MAN2A1: variants seen among roughly 807,000 people sequenced by gnomAD.
MAN2A1 encodes mannosidase alpha class 2A member 1, also known as alpha-mannosidase 2.
A neutral mutation model predicts 142.6 loss-of-function variants in MAN2A1; 76 were observed. The observed-to-expected ratio is 0.53, with a 90% CI of 0.44 to 0.65. MAN2A1 has a LOEUF of 0.65. Ranked by LOEUF, MAN2A1 falls within the 30% of genes least tolerant of loss-of-function variation. MAN2A1 has a pLI of 0.00. For synonymous variants in MAN2A1, 559 were observed against 473.2 expected (o/e 1.18, Z -2.35); for missense variants, 1,311 against 1,365.1 (o/e 0.96, Z 0.62).
intron 16 of MAN2A1, among the ~76,000 whole-genome samples, chr5:109,841,333 A>G (rs955222377): frequency 7.2e-5 from 11 of 152,114 alleles, no homozygotes; most frequent in African/African-American, 2.7e-4. Flanking sequence ...AGTCCATTCT[A>G]TCATTCTTAT....
intron 8 of MAN2A1, among the ~76,000 whole-genome samples, chr5:109,775,833 C>A (rs141992699): frequency 0.013 from 1,962 of 152,170 alleles, 21 homozygotes; most frequent in Non-Finnish European, 0.021. Flanking sequence ...AAAAACAATT[C>A]TTTTAACACA....
At chr5:109,783,283 A>G (rs1753509273) in intron 9 of MAN2A1, among the ~76,000 whole-genome samples, 1 of 152,196 alleles carries the variant, frequency 6.6e-6, no homozygotes, top group African/African-American at 2.4e-5. Context: ...TTATTTATAC[A>G]TAAGTTTGTC....
At chr5:109,723,966 C>T (rs1268871187) in intron 3 of MAN2A1, among the ~76,000 whole-genome samples, 3 of 151,976 alleles carry the variant, frequency 2.0e-5, no homozygotes, top group Non-Finnish European at 4.4e-5. Flanking sequence ...TTGCTTTGCC[C>T]TTATTAGATG....
At chr5:109,818,284 A>C (rs34725929) in intron 13 of MAN2A1, among the ~76,000 whole-genome samples, 26,048 of 151,968 alleles carry the variant, frequency 0.17, 3,216 homozygotes, top group East Asian at 0.64. Context: ...GATTACAGGC[A>C]TGTGCCACCA....
At chr5:109,864,084 G>A (rs917595859) in intron 20 of MAN2A1, 1 of 152,202 alleles carries the variant, frequency 6.6e-6, no homozygotes, top group Non-Finnish European at 1.5e-5. Flanking sequence ...TTATCCCCTA[G>A]TGAGGATGAT....
At chr5:109,723,929 T>C (rs966092069) in intron 3 of MAN2A1, among the ~76,000 whole-genome samples, 2 of 152,214 alleles carry the variant, frequency 1.3e-5, no homozygotes, top group African/African-American at 4.8e-5. Flanking sequence ...ATATTTTCAC[T>C]GTAGAATCTG....
intron 21 of MAN2A1, 77 bp downstream of exon 21, chr5:109,865,223 G>C (rs1755850600): frequency 2.9e-6 from 3 of 1,041,262 alleles, no homozygotes; most frequent in Non-Finnish European, 4.5e-6. Context: ...TTGACAATAA[G>C]ATCATGTTTC....
chr5:109,801,696 T>C (rs950327254), intron 12 of MAN2A1, among the ~76,000 whole-genome samples: 1 of 152,168 alleles, frequency 6.6e-6, no homozygotes, highest in Non-Finnish European at 1.5e-5. Context: ...TAGGAGCAGG[T>C]CTATACTGAA....
chr5:109,757,335 T>C (rs1752715237), intron 5 of MAN2A1, among the ~76,000 whole-genome samples: 1 of 152,192 alleles, frequency 6.6e-6, no homozygotes, highest in African/African-American at 2.4e-5. Context: ...TTACATGCAG[T>C]GGAATATATA....
At chr5:109,811,393 T>C (rs1402818674) in intron 12 of MAN2A1, among the ~76,000 whole-genome samples, 1 of 152,138 alleles carries the variant, frequency 6.6e-6, no homozygotes, top group Non-Finnish European at 1.5e-5. Flanking sequence ...TTTGGGAGAG[T>C]TGTGCTTTTG....
At chr5:109,771,694 G>C (rs1186100298) in intron 7 of MAN2A1, among the ~76,000 whole-genome samples, 1 of 152,160 alleles carries the variant, frequency 6.6e-6, no homozygotes, top group Non-Finnish European at 1.5e-5. Context: ...GTGGTGGAAG[G>C]TGTAATAAAA....
chr5:109,869,436 C>T lies in MAN2A1; in HGVS notation c.*2438C>T, dbSNP rs901909537. ...TGATGTAAAACATTATCATGATCTT[C>T]CCATGCCTTTGTTGTACTTGTGCCG... On this transcript the variant is annotated 3_prime_UTR_variant, in exon 22 of 22. Coordinates refer to ENST00000261483, the MANE Select transcript of MAN2A1 (RefSeq NM_002372.4). 1 of 152,122 alleles carries T rather than the reference C, an allele frequency of 6.6e-6. No homozygotes were observed. Among genetic ancestry groups the T allele is most frequent in the African/African-American group, 2.4e-5 (1 of 41,430 alleles). The allele number at this position is 152,122 out of a possible 1,614,324, so 9.4% of individuals were successfully genotyped here. A position where few individuals can be genotyped will look rare whatever the true frequency, so the allele number is the denominator to read the frequency against.
At chr5:109,863,633 T>C (rs920166875) in intron 20 of MAN2A1, 5 of 152,136 alleles carry the variant, frequency 3.3e-5, no homozygotes, top group Non-Finnish European at 7.4e-5. Context: ...GGCAAGAAAA[T>C]AGATATTTAG....
chr5:109,834,453 C>T (rs1684404117), intron 16 of MAN2A1, among the ~76,000 whole-genome samples: 1 of 151,814 alleles, frequency 6.6e-6, no homozygotes. Context: ...ACCAAAAAGC[C>T]TTTCAGTTTT....
intron 8 of MAN2A1, 112 bp downstream of exon 8, chr5:109,775,077 AT>A: frequency 1.5e-6 from 1 of 680,130 alleles, no homozygotes; most frequent in Non-Finnish European, 2.4e-6. Flanking sequence ...GCTTCTTAGA[AT>A]ATATAATTCT....
intron 12 of MAN2A1, among the ~76,000 whole-genome samples, chr5:109,792,415 T>G (rs375276596): frequency 6.6e-6 from 1 of 152,060 alleles, no homozygotes; most frequent in Admixed American, 6.6e-5. Flanking sequence ...CTTACCCTTT[T>G]GTCTTCAATT....
intron 16 of MAN2A1, among the ~76,000 whole-genome samples, chr5:109,839,324 G>A (rs1755138698): frequency 6.6e-6 from 1 of 152,172 alleles, no homozygotes; most frequent in African/African-American, 2.4e-5. Flanking sequence ...TTAGAGTGAT[G>A]CATTTCGTAG....
chr5:109,827,240 G>A (rs1178986009), intron 16 of MAN2A1, among the ~76,000 whole-genome samples: 5 of 152,276 alleles, frequency 3.3e-5, no homozygotes, highest in Non-Finnish European at 5.9e-5. Flanking sequence ...AAAAGATTTT[G>A]TAATCTCAGC....
At chr5:109,792,281 T>A (rs1753755987) in intron 12 of MAN2A1, among the ~76,000 whole-genome samples, 1 of 152,096 alleles carries the variant, frequency 6.6e-6, no homozygotes, top group Admixed American at 6.6e-5. Flanking sequence ...CTCTACCTTT[T>A]ATTATTCCTT....
Sources: allele counts gnomAD v4.1 joint callset (sites outside exome capture counted in the v4.1 genomes callset), GRCh38; gene constraint gnomAD v4.1.1; transcripts MANE v1.5; gene names NCBI Gene and HGNC (gene_info 2026-07-23, HGNC 2026-07-21).